Variants in YLPM1 observed in about 807,000 individuals in gnomAD.
YLPM1 encodes YLP motif containing 1.
YLPM1 carries 99 observed loss-of-function variants against 230.0 expected under a neutral mutation model. That is an observed-to-expected ratio of 0.43 (90% CI 0.37 to 0.51). The LOEUF (loss-of-function observed/expected upper bound fraction) is 0.51, where lower values mean the gene tolerates loss of function less well. Ranked by LOEUF, YLPM1 falls within the 20% of genes least tolerant of loss-of-function variation. The pLI, the probability that YLPM1 is intolerant of heterozygous loss-of-function variation, is 0.00. For missense variants in YLPM1, 2,592 were observed against 2,707.7 expected, an observed-to-expected ratio of 0.96 and a Z score of 0.95; for synonymous variants, 984 against 942.5, an observed-to-expected ratio of 1.04 and a Z score of -0.81.
intron 10 of YLPM1, 72 bp from the exon 11 acceptor site, chr14:74,812,556 T>C (rs1188878348): frequency 6.8e-7 from 1 of 1,467,584 alleles, no homozygotes; most frequent in East Asian, 2.4e-5. Context: ...TACCTTAGGA[T>C]GTGTGGGGAG....
At chr14:74,810,506 A>C in intron 9 of YLPM1, 86 bp downstream of exon 9, 1 of 1,366,132 alleles carries the variant, frequency 7.3e-7, no homozygotes, top group Non-Finnish European at 1.0e-6. Context: ...TAAGTAACAT[A>C]TTCTTCTCAT....
chr14:74,823,084 G>A (rs1266589283), intron 17 of YLPM1, among the ~76,000 whole-genome samples: 3 of 152,078 alleles, frequency 2.0e-5, no homozygotes, highest in African/African-American at 7.2e-5. Flanking sequence ...ATACTACCTA[G>A]TAAGTTGAAA....
At chr14:74,784,047 T>C (rs186448653) in intron 4 of YLPM1, among the ~76,000 whole-genome samples, 1 of 152,260 alleles carries the variant, frequency 6.6e-6, no homozygotes, top group Non-Finnish European at 1.5e-5. Context: ...CTGTCAGTGC[T>C]TATTTGGCAT....
intron 5 of YLPM1, among the ~76,000 whole-genome samples, chr14:74,800,830 C>T (rs2091317247): frequency 6.6e-6 from 1 of 152,182 alleles, no homozygotes; most frequent in Non-Finnish European, 1.5e-5. Context: ...AATTTTAACA[C>T]CTACCGTGTA....
Position 74,811,684 on chromosome 14 carries a change from TCCTATGAC to T in YLPM1, c.5295_5302del (p.Tyr1766GlufsTer3). ...CAGAAGAGGGGGTTTTGATAGGCCA[TCCTATGAC>T]CGGAAGTCTGACCGACCAGTCTATG... On this transcript the variant is annotated frameshift_variant, in exon 10 of 21. Coordinates refer to ENST00000325680, the MANE Select transcript of YLPM1 (RefSeq NM_019589.3). LOFTEE classifies it high-confidence loss of function. 6.2e-7 allele frequency: 1 copy of T among 1,612,578 alleles called. No homozygotes were observed. The highest frequency in any genetic ancestry group is 8.5e-7 in the Non-Finnish European group (1 of 1,179,506).
chr14:74,763,480 C>G lies in YLPM1; in HGVS notation c.-10C>G. The G allele has an allele frequency of 6.9e-7, 1 of 1,443,572 alleles. No individual in the cohort carries two copies. The highest frequency in any genetic ancestry group is 9.1e-7 in the Non-Finnish European group (1 of 1,094,132). 89.4% of individuals were successfully genotyped at this position (1,443,572 alleles called of 1,614,324 possible). On this transcript the variant is annotated 5_prime_UTR_variant, in exon 1 of 21. Transcript: ENST00000325680. ...GGCGCCAGGACGAGCCCTGCGCCTT[C>G]TTTTTCGATATGTACCCGAATTGGG... is the stretch of plus-strand genomic sequence containing the variant.
intron 4 of YLPM1, among the ~76,000 whole-genome samples, chr14:74,787,397 T>A (rs1466173487): frequency 6.6e-6 from 1 of 151,950 alleles, no homozygotes; most frequent in African/African-American, 2.4e-5. Flanking sequence ...GCCCCAGCTC[T>A]ACCAAAAATA....
chr14:74,798,852 G>A lies in YLPM1; in HGVS notation c.3555G>A (p.Arg1185=), dbSNP rs1301962416. Residue 1185 remains arginine, a synonymous_variant, in exon 5 of 21, where the codon CGG becomes CGA. Transcript: ENST00000325680. The part of the protein sequence containing the change: ...DGGEKMYPYH[R]DEPPRAPWNH... ...GGGAAAAAATGTATCCATATCACCG[G>A]GATGAGCCTCCTAGGGCTCCATGGA... 6.2e-7 allele frequency: 1 copy of A among 1,613,940 alleles called. No individual in the cohort carries two copies. Among genetic ancestry groups the A allele is most frequent in the South Asian group, 1.1e-5 (1 of 91,078 alleles).
chr14:74,764,214 C>T lies in YLPM1; in HGVS notation c.725C>T (p.Ser242Phe). 3.1e-6 allele frequency: 5 copies of T among 1,613,176 alleles called. No individual in the cohort carries two copies. The South Asian group carries it at 5.5e-5, about 18-fold the overall frequency. Residue 242 changes from serine (S) to phenylalanine (F), a missense_variant, in exon 1 of 21, where the codon TCC (serine) becomes TTC (phenylalanine). By Grantham distance (155) the Ser-to-Phe change is radical. Coordinates refer to ENST00000325680, the MANE Select transcript of YLPM1 (RefSeq NM_019589.3). ...CGCCCCTCCCAGGGCCATTCTAAATCCCAACTACTAGCTCCACCACCACCG... is the reference window on the plus strand; with the variant it reads ...CGCCCCTCCCAGGGCCATTCTAAATTCCAACTACTAGCTCCACCACCACCG... ...PSRPSQGHSK[S>F]QLLAPPPPSA...
intron 6 of YLPM1, among the ~76,000 whole-genome samples, chr14:74,808,443 G>C (rs2140122864): frequency 6.6e-6 from 1 of 152,272 alleles, no homozygotes; most frequent in South Asian, 2.1e-4. Context: ...GCAAGTCTTT[G>C]GATGGACATA....
intron 1 of YLPM1, among the ~76,000 whole-genome samples, chr14:74,764,620 T>G (rs2090893242): frequency 6.6e-6 from 1 of 152,250 alleles, no homozygotes; most frequent in Non-Finnish European, 1.5e-5. Flanking sequence ...CTCAGATACA[T>G]TCCTTGGTTT....
chr14:74,835,804 A>G lies in YLPM1; in HGVS notation c.*66A>G, dbSNP rs771756373. ...TTCGCTTTGAGGTGGTCTGAAGCCA[A>G]GGCCTCGCGGAGCTTCTTTGTGTGT... On this transcript the variant is annotated 3_prime_UTR_variant, in exon 21 of 21. Coordinates refer to ENST00000325680, the MANE Select transcript of YLPM1 (RefSeq NM_019589.3). The G allele has an allele frequency of 4.4e-6, 2 of 456,700 alleles. No homozygotes were observed. The highest frequency in any genetic ancestry group is 6.9e-5 in the East Asian group (1 of 14,416). The allele number at this position is 456,700 out of a possible 1,614,324, so 28.3% of individuals were successfully genotyped here.
intron 18 of YLPM1, chr14:74,827,554 A>G: frequency 2.0e-6 from 2 of 985,414 alleles, no homozygotes; most frequent in Non-Finnish European, 2.4e-6. Flanking sequence ...TATGAGGAAA[A>G]GTTCTTGCAG....
At position 74,816,968 on chromosome 14, in the gene YLPM1, C is replaced by G; in HGVS notation, c.5723C>G (p.Thr1908Ser). 6.2e-7 allele frequency: 1 copy of G among 1,600,918 alleles called. No homozygotes were observed. The highest frequency in any genetic ancestry group is 8.5e-7 in the Non-Finnish European group (1 of 1,175,444). Residue 1908 changes from threonine (T) to serine (S), a missense_variant, in exon 14 of 21, where the codon ACT becomes AGT. Physicochemically the swap from Thr to Ser is moderately conservative, Grantham distance 58. Coordinates refer to ENST00000325680, the MANE Select transcript of YLPM1 (RefSeq NM_019589.3). ...GAATATGAAGCTGAGATGGAGGAGA[C>G]TTACCGCACCAGCATGTTCAAAACT... ...EYEYEAEMEE[T>S]YRTSMFKTFK...
chr14:74,801,582 C>T (rs1335711800), intron 5 of YLPM1, among the ~76,000 whole-genome samples: 1 of 152,162 alleles, frequency 6.6e-6, no homozygotes, highest in African/African-American at 2.4e-5. Flanking sequence ...TCACCATCTA[C>T]AGCAGGGGCC....
chr14:74,814,188 C>T (rs989710897), intron 11 of YLPM1, among the ~76,000 whole-genome samples: 1 of 152,042 alleles, frequency 6.6e-6, no homozygotes, highest in Non-Finnish European at 1.5e-5. Context: ...GGTGAAACCC[C>T]GTCTGTACTA....
chr14:74,786,356 C>T (rs1002141978), intron 4 of YLPM1, among the ~76,000 whole-genome samples: 8 of 115,110 alleles, frequency 6.9e-5, no homozygotes, highest in East Asian at 5.1e-4. Context: ...AGTGAGACTC[C>T]GTCTCAAAAA....
chr14:74,818,476 T>C (rs939808916), intron 16 of YLPM1, among the ~76,000 whole-genome samples, 162 bp downstream of exon 16: 39 of 152,328 alleles, frequency 2.6e-4, no homozygotes, highest in African/African-American at 9.4e-4. Context: ...TTTTGCCACA[T>C]TTTTCTCTGA....
At chr14:74,772,250 C>T (rs997151154) in intron 1 of YLPM1, among the ~76,000 whole-genome samples, 3 of 147,532 alleles carry the variant, frequency 2.0e-5, no homozygotes, top group Middle Eastern at 3.3e-3. Context: ...GAGATGGGAT[C>T]TTGCCATGTT....
Sources: gnomAD v4.1 joint callset for allele counts (sites outside exome capture counted in the v4.1 genomes callset) on GRCh38, gnomAD v4.1.1 for gene constraint, MANE v1.5 for transcripts, NCBI Gene and HGNC (gene_info 2026-07-23, HGNC 2026-07-21) for gene names.